The following GOLIM4 variants were observed in gnomAD, a reference collection of about 807,000 sequenced individuals.
GOLIM4 encodes golgi integral membrane protein 4.
A neutral mutation model predicts 107.4 loss-of-function variants in GOLIM4; 71 were observed. The observed-to-expected ratio is 0.66, with a 90% CI of 0.55 to 0.81. The LOEUF is 0.81. Among genes scored for constraint, GOLIM4 ranks in the 30% least tolerant of loss-of-function variants. The pLI is 0.00. For synonymous variants in GOLIM4, 327 were observed against 294.8 expected, an observed-to-expected ratio of 1.11 and a Z score of -1.12; for missense variants, 830 against 826.1, an observed-to-expected ratio of 1.00 and a Z score of -0.06.
intron 14 of GOLIM4, among the ~76,000 whole-genome samples, chr3:168,011,093 C>G (rs1294569060): frequency 6.6e-6 from 1 of 152,136 alleles, no homozygotes. Flanking sequence ...GTGTGAGCGA[C>G]GCAGAAGACA....
intron 1 of GOLIM4, among the ~76,000 whole-genome samples, chr3:168,086,502 G>A (rs2108294158): frequency 6.6e-6 from 1 of 152,234 alleles, no homozygotes; most frequent in Non-Finnish European, 1.5e-5. Flanking sequence ...CTCCTAAAAT[G>A]ATTATAATTT....
At chr3:168,015,702 A>T (rs557376115) in intron 14 of GOLIM4, among the ~76,000 whole-genome samples, 1 of 136,098 alleles carries the variant, frequency 7.3e-6, no homozygotes. Context: ...GATATAGATC[A>T]ATGGAACAGA....
chr3:168,042,692 T>C (rs967551133), intron 5 of GOLIM4, among the ~76,000 whole-genome samples: 1 of 152,232 alleles, frequency 6.6e-6, no homozygotes, highest in Non-Finnish European at 1.5e-5. Context: ...AAAAGTGACA[T>C]ATTTTGTTTC....
At chr3:168,042,241 AT>A (rs112308497) in intron 5 of GOLIM4, among the ~76,000 whole-genome samples, 433 of 144,730 alleles carry the variant, frequency 3.0e-3, no homozygotes, top group South Asian at 0.011. Flanking sequence ...TTTAGCACCT[AT>A]TTTTTTTTTT....
chr3:168,018,181 C>T (rs956945723), intron 14 of GOLIM4, among the ~76,000 whole-genome samples: 1 of 152,038 alleles, frequency 6.6e-6, no homozygotes, highest in South Asian at 2.1e-4. Context: ...TTGAATAACA[C>T]AAAAATCACT....
intron 1 of GOLIM4, among the ~76,000 whole-genome samples, chr3:168,075,508 CG>C (rs1268906294): frequency 5.9e-5 from 9 of 151,614 alleles, no homozygotes; most frequent in Non-Finnish European, 1.3e-4. Flanking sequence ...CCGTTTTAGC[CG>C]GGATGGTCTC....
chr3:168,092,992 TTAGG>T (rs1321667252), intron 1 of GOLIM4, among the ~76,000 whole-genome samples: 4 of 152,132 alleles, frequency 2.6e-5, no homozygotes, highest in African/African-American at 9.7e-5. Flanking sequence ...CTTATTCAAA[TTAGG>T]TAGAACATTT....
At position 168,095,391 on chromosome 3, in the gene GOLIM4, G is replaced by A; in HGVS notation, c.-106C>T. On this transcript the variant is annotated 5_prime_UTR_variant, in exon 1 of 16. Coordinates refer to ENST00000470487, the MANE Select transcript of GOLIM4 (RefSeq NM_014498.5). Reference sequence around the variant, plus strand: ...CGCAGTAGGTGGCCAGACGCAGCATGAGGAGGAGATGCCAGACACAAAAGC... The same window carrying A: ...CGCAGTAGGTGGCCAGACGCAGCATAAGGAGGAGATGCCAGACACAAAAGC... 1 of 916,754 alleles carries A rather than the reference G, an allele frequency of 1.1e-6. No individual in the cohort carries two copies. Among genetic ancestry groups the A allele is most frequent in the Non-Finnish European group, 1.7e-6 (1 of 602,092 alleles). 56.8% of individuals were successfully genotyped at this position (916,754 alleles called of 1,614,324 possible). A position where few individuals can be genotyped will look rare whatever the true frequency, so the allele number is the denominator to read the frequency against.
chr3:168,072,454 G>A (rs1358808067), intron 1 of GOLIM4, among the ~76,000 whole-genome samples: 2 of 149,440 alleles, frequency 1.3e-5, no homozygotes, highest in African/African-American at 2.5e-5. Context: ...GCAGAGCTAT[G>A]AGGCATTCTG....
At chr3:168,033,898 C>T (rs1304427980) in intron 8 of GOLIM4, among the ~76,000 whole-genome samples, 2 of 152,064 alleles carry the variant, frequency 1.3e-5, no homozygotes, top group Non-Finnish European at 2.9e-5. Context: ...ATATGATCTG[C>T]ACTACCTAGA....
intron 1 of GOLIM4, among the ~76,000 whole-genome samples, chr3:168,071,670 A>G (rs1006695164): frequency 6.6e-6 from 1 of 151,400 alleles, no homozygotes; most frequent in African/African-American, 2.4e-5. Flanking sequence ...TTGATGACTA[A>G]AAGAGAATGC....
At chr3:168,018,140 C>T (rs540181181) in intron 14 of GOLIM4, among the ~76,000 whole-genome samples, 6 of 151,956 alleles carry the variant, frequency 3.9e-5, no homozygotes, top group South Asian at 4.1e-4. Context: ...AAAGAAAGTC[C>T]GATCTTTTCT....
intron 8 of GOLIM4, among the ~76,000 whole-genome samples, chr3:168,036,300 G>A (rs1718648443): frequency 6.6e-6 from 1 of 152,220 alleles, no homozygotes; most frequent in Admixed American, 6.5e-5. Flanking sequence ...CAGCACTTTG[G>A]GAAGCCAAGG....
rs1203674100 is a variant in GOLIM4, at chr3:168,055,581, G to A, written c.188-7216C>T. 2.6e-5 allele frequency among the ~76,000 whole-genome samples: 4 copies of A among 152,190 alleles called. No individual in the cohort carries two copies. In the South Asian group the frequency reaches 8.3e-4, roughly 32 times the overall value. Reference sequence around the variant, plus strand: ...TGGGAGGCCGAGGTGGAGGGATCATGAGGTCAGGAGATCAAGACCATCCTG... The same window carrying A: ...TGGGAGGCCGAGGTGGAGGGATCATAAGGTCAGGAGATCAAGACCATCCTG... On this transcript the variant is annotated intron_variant, in intron 1 of 15. Transcript: ENST00000470487.
chr3:168,077,374 T>C (rs1369838484), intron 1 of GOLIM4, among the ~76,000 whole-genome samples: 2 of 152,156 alleles, frequency 1.3e-5, no homozygotes, highest in Non-Finnish European at 2.9e-5. Flanking sequence ...GTGGTTCCTA[T>C]GACCCACCAT....
Position 168,046,954 on chromosome 3 carries a change from C to A in GOLIM4, c.308G>T (p.Gly103Val). Residue 103 changes from glycine to valine, a missense_variant, in exon 3 of 16, where the codon GGA becomes GTA. By Grantham distance (109) the Gly-to-Val change is moderately radical. Transcript: ENST00000470487. ...KLEAQETLNK[G>V]RQDSNSRYSA... ...AACAAAAAAAACAAAACTTACCCTTCCTTTATTTAATGTTTCTTGTGCTTC... is the reference window on the plus strand; with the variant it reads ...AACAAAAAAAACAAAACTTACCCTTACTTTATTTAATGTTTCTTGTGCTTC... The A allele has an allele frequency of 7.4e-7, 1 of 1,347,732 alleles. No individual in the cohort carries two copies. Among genetic ancestry groups the A allele is most frequent in the Non-Finnish European group, 1.0e-6 (1 of 982,988 alleles). The allele number at this position is 1,347,732 out of a possible 1,614,324, so 83.5% of individuals were successfully genotyped here.
At chr3:168,090,048 G>C (rs577541336) in intron 1 of GOLIM4, among the ~76,000 whole-genome samples, 1 of 152,176 alleles carries the variant, frequency 6.6e-6, no homozygotes, top group African/African-American at 2.4e-5. Flanking sequence ...GATTACAGGC[G>C]AGAGACAGGG....
intron 1 of GOLIM4, among the ~76,000 whole-genome samples, chr3:168,058,617 G>A (rs1326637761): frequency 6.6e-6 from 1 of 152,140 alleles, no homozygotes; most frequent in Non-Finnish European, 1.5e-5. Flanking sequence ...GCTAAGACAG[G>A]TAAAACATAA....
Position 168,029,763 on chromosome 3 carries a change from A to G in GOLIM4, c.1433+17T>C. On this transcript the variant is annotated intron_variant, in intron 10 of 15. Coordinates refer to ENST00000470487, the MANE Select transcript of GOLIM4 (RefSeq NM_014498.5). Reference sequence around the variant, plus strand: ...GAGCAGGGGCTGTCTTCGTTCATTAAGGAAGGGGAAGGCTACCGGAGCTGC... The same window carrying G: ...GAGCAGGGGCTGTCTTCGTTCATTAGGGAAGGGGAAGGCTACCGGAGCTGC... 1 of 1,609,450 alleles carries G rather than the reference A, an allele frequency of 6.2e-7. No homozygotes were observed. Among genetic ancestry groups the G allele is most frequent in the Non-Finnish European group, 8.5e-7 (1 of 1,176,996 alleles).
Sources: gnomAD v4.1 joint callset for allele counts (sites outside exome capture counted in the v4.1 genomes callset) on GRCh38, gnomAD v4.1.1 for gene constraint, MANE v1.5 for transcripts, NCBI Gene and HGNC (gene_info 2026-07-23, HGNC 2026-07-21) for gene names.